TRDN: variants seen among roughly 807,000 people sequenced by gnomAD.
TRDN encodes triadin.
Under a neutral mutation model 149.7 loss-of-function variants are expected in TRDN, and 161 were observed. The observed-to-expected ratio is 1.08, with a 90% CI of 0.95 to 1.23. TRDN has a LOEUF of 1.23. Ranked by LOEUF, TRDN falls within the 50% of genes most tolerant of loss-of-function variation. TRDN has a pLI of 0.00. For missense variants in TRDN, 896 were observed against 823.5 expected (o/e 1.09, Z -1.08); for synonymous variants, 294 against 250.5 (o/e 1.17, Z -1.64).
At chr6:123,382,523 G>A (rs1035024453) in intron 14 of TRDN, among the ~76,000 whole-genome samples, 1 of 151,846 alleles carries the variant, frequency 6.6e-6, no homozygotes, top group Non-Finnish European at 1.5e-5. Flanking sequence ...CCATAAAGAT[G>A]CTTAGGAGTT....
rs1348836601 is a variant in TRDN at position 123,522,268 on chromosome 6, A to AT, written c.485-6063dup. Among the ~76,000 whole-genome samples, 5 of 152,210 alleles carry AT rather than the reference A, an allele frequency of 3.3e-5. No individual in the cohort carries two copies. In the East Asian group the frequency reaches 9.7e-4, roughly 29 times the overall value. ...GAGCCTTCTTGGAAAAAGTTCACATATTTAGTTATATATTTACCACTGGGT... is the reference window on the plus strand; with the variant it reads ...GAGCCTTCTTGGAAAAAGTTCACATATTTTAGTTATATATTTACCACTGGGT... On this transcript the variant is annotated intron_variant, in intron 5 of 40. Coordinates refer to ENST00000334268, the MANE Select transcript of TRDN (RefSeq NM_006073.4).
intron 1 of TRDN, among the ~76,000 whole-genome samples, chr6:123,631,612 A>G (rs997502668): frequency 1.3e-5 from 2 of 152,072 alleles, no homozygotes; most frequent in East Asian, 1.9e-4. Context: ...TGCACTTACG[A>G]ATAAATTTGG....
At chr6:123,366,055 AG>A in intron 20 of TRDN, 79 bp downstream of exon 20, 1 of 1,308,286 alleles carries the variant, frequency 7.6e-7, no homozygotes, top group Non-Finnish European at 1.1e-6. Context: ...CTCTTTTCTA[AG>A]CACAAAACAA....
At chr6:123,219,369 C>T (rs993029078) in intron 40 of TRDN, among the ~76,000 whole-genome samples, 34 of 151,784 alleles carry the variant, frequency 2.2e-4, no homozygotes, top group Non-Finnish European at 1.9e-4. Context: ...TCCCAGGTAG[C>T]AGCTTTGGTA....
In TRDN at chr6:123,629,062, A is replaced by G. The variant is rs374357177; in HGVS notation, c.22+7692T>C. Among the ~76,000 whole-genome samples the G allele has an allele frequency of 3.4e-4, 51 of 152,238 alleles. 2 individuals carry two copies. In the South Asian group the frequency reaches 0.01, roughly 31 times the overall value. ...CGCTTTTTCCCCTAGTCAATAATAT[A>G]TAGGTTAAATCAGAATAACCATGGG... On this transcript the variant is annotated intron_variant, in intron 1 of 40. Transcript: ENST00000334268.
intron 21 of TRDN, chr6:123,352,176 T>TA: frequency 1.0e-6 from 1 of 985,002 alleles, no homozygotes; most frequent in Non-Finnish European, 1.2e-6. Flanking sequence ...GGGCCATCTT[T>TA]ATTTTTCAAA....
At chr6:123,636,678 C>T in intron 1 of TRDN, 76 bp downstream of exon 1, 1 of 1,503,774 alleles carries the variant, frequency 6.6e-7, no homozygotes, top group South Asian at 1.1e-5. Flanking sequence ...TAAATGGACA[C>T]ATCGACAGTT....
intron 1 of TRDN, among the ~76,000 whole-genome samples, chr6:123,587,939 G>A (rs150318153): frequency 0.014 from 2,157 of 152,234 alleles, 22 homozygotes; most frequent in South Asian, 0.041. Flanking sequence ...GGCAGGAACT[G>A]TCGATCTGGA....
intron 9 of TRDN, among the ~76,000 whole-genome samples, chr6:123,478,694 G>A (rs558177315): frequency 2.0e-5 from 3 of 152,126 alleles, no homozygotes; most frequent in African/African-American, 4.8e-5. Context: ...AGCATGCAAT[G>A]TCCTAACTTG....
intron 2 of TRDN, among the ~76,000 whole-genome samples, chr6:123,561,883 C>T (rs866270709): frequency 2.6e-5 from 4 of 152,076 alleles, no homozygotes; most frequent in East Asian, 1.9e-4. Context: ...AAATTTTCGT[C>T]GCCCCAACAC....
intron 39 of TRDN, among the ~76,000 whole-genome samples, chr6:123,223,573 C>T (rs549149103): frequency 6.6e-6 from 1 of 151,754 alleles, no homozygotes; most frequent in Non-Finnish European, 1.5e-5. Context: ...CCTGGAAATA[C>T]TTTATGAAGT....
chr6:123,558,821 C>T (rs1422128748), intron 2 of TRDN, among the ~76,000 whole-genome samples: 5 of 152,192 alleles, frequency 3.3e-5, no homozygotes, highest in Admixed American at 2.0e-4. Flanking sequence ...TGAGACAAAC[C>T]CCAGCCACAT....
intron 19 of TRDN, among the ~76,000 whole-genome samples, chr6:123,368,753 T>A (rs1781211536): frequency 6.6e-6 from 1 of 152,144 alleles, no homozygotes; most frequent in South Asian, 2.1e-4. Context: ...TTGGCACCAT[T>A]TTTTTCTCTT....
At chr6:123,250,363 A>G (rs1776331406) in intron 38 of TRDN, among the ~76,000 whole-genome samples, 2 of 152,114 alleles carry the variant, frequency 1.3e-5, no homozygotes, top group South Asian at 4.1e-4. Flanking sequence ...ATGACTGAAA[A>G]AAAAGTCTGA....
In TRDN at chr6:123,366,096, C is replaced by G. The variant is rs11964350; in HGVS notation, c.1321+39G>C. ...TTGTTAGAAACCTTAGCAGAAATAA[C>G]TTATAGTTATGACATCTTTATCTTT... is the stretch of plus-strand genomic sequence containing the variant. On this transcript the variant is annotated intron_variant, in intron 20 of 40. Transcript: ENST00000334268. The G allele has an allele frequency of 0.019, 29,912 of 1,550,412 alleles. 3,280 individuals carry two copies. In the African/African-American group the frequency reaches 0.28, roughly 15 times the overall value.
At chr6:123,397,240 G>A (rs1772770164) in intron 12 of TRDN, among the ~76,000 whole-genome samples, 1 of 152,154 alleles carries the variant, frequency 6.6e-6, no homozygotes, top group Non-Finnish European at 1.5e-5. Context: ...CCATTAGAGA[G>A]AGGAACTGAC....
At chr6:123,401,995 A>C (rs1346940807) in intron 12 of TRDN, among the ~76,000 whole-genome samples, 1 of 151,754 alleles carries the variant, frequency 6.6e-6, no homozygotes, top group Non-Finnish European at 1.5e-5. Flanking sequence ...GTGTAGAGCC[A>C]CAAAGGGGAA....
intron 9 of TRDN, among the ~76,000 whole-genome samples, chr6:123,491,132 A>AGAAG (rs149446213): frequency 0.022 from 3,218 of 146,310 alleles, 46 homozygotes; most frequent in African/African-American, 0.026. Context: ...AAGGAACGAA[A>AGAAG]GAAGGAAGGA....
intron 23 of TRDN, among the ~76,000 whole-genome samples, chr6:123,318,359 A>T (rs1779111534): frequency 6.6e-6 from 1 of 152,010 alleles, no homozygotes; most frequent in Non-Finnish European, 1.5e-5. Flanking sequence ...TATTTTATGA[A>T]GTACATGCTA....
Sources: gnomAD v4.1 joint callset for allele counts (sites outside exome capture counted in the v4.1 genomes callset) on GRCh38, gnomAD v4.1.1 for gene constraint, MANE v1.5 for transcripts, NCBI Gene and HGNC (gene_info 2026-07-23, HGNC 2026-07-21) for gene names.